Variants in ATP2C2 observed in about 807,000 individuals in gnomAD.
The protein encoded by ATP2C2 is ATPase secretory pathway Ca2+ transporting 2, also known as calcium-transporting ATPase type 2C member 2.
ATP2C2 carries 171 observed loss-of-function variants against 110.8 expected under a neutral mutation model. The observed-to-expected ratio is 1.54, with a 90% CI of 1.36 to 1.75. The LOEUF (loss-of-function observed/expected upper bound fraction) is 1.75, where lower values mean the gene tolerates loss of function less well. Ranked by LOEUF, ATP2C2 falls within the 40% of genes most tolerant of loss-of-function variation. ATP2C2 has a pLI of 0.00. For synonymous variants in ATP2C2, 804 were observed against 508.4 expected, an observed-to-expected ratio of 1.58 and a Z score of -7.82; for missense variants, 1,963 against 1,235.0, an observed-to-expected ratio of 1.59 and a Z score of -8.84.
intron 14 of ATP2C2, 72 bp downstream of exon 14, chr16:84,441,030 G>C (rs1056529158): frequency 1.6e-5 from 21 of 1,280,646 alleles, no homozygotes; most frequent in Admixed American, 3.9e-5. Flanking sequence ...TCTGAAAAGG[G>C]AAACAGCCAT....
chr16:84,423,389 A>G (rs1907531018), intron 10 of ATP2C2, 126 bp downstream of exon 10: 5 of 857,452 alleles, frequency 5.8e-6, no homozygotes, highest in Admixed American at 4.6e-5. Flanking sequence ...GATTGGGATC[A>G]GAGGCTCTCC....
At position 84,377,947 on chromosome 16, in the gene ATP2C2, A is replaced by G. The variant is rs576663705; in HGVS notation, c.99+9233A>G. Among the ~76,000 whole-genome samples, 149 of 152,258 alleles carry G rather than the reference A, an allele frequency of 9.8e-4. 2 individuals are homozygous for G. The highest frequency in any genetic ancestry group is 3.5e-3 in the African/African-American group (145 of 41,560). On this transcript the variant is annotated intron_variant, in intron 1 of 26. Transcript: ENST00000262429. ...GCCCCACTAGCTGGGCCATATTCCT[A>G]TGACCTTCCCTAAGACCTCCCTGTG...
In ATP2C2 at chr16:84,442,536, C is replaced by T. The variant is rs377096307; in HGVS notation, c.1338C>T (p.Val446=). Residue 446 remains valine, a synonymous_variant, in exon 15 of 27, where the codon GTC becomes GTT. Transcript: ENST00000262429. ...CGGGCTGTGTTGCCAACAATGCGGT[C>T]ATCAGAAAGAACGCCGTGATGGGGC... The part of the protein sequence containing the change: ...VEAGCVANNA[V]IRKNAVMGQP... 82 of 1,614,030 alleles carry T rather than the reference C, an allele frequency of 5.1e-5. No homozygotes were observed. In the African/African-American group the frequency reaches 8.7e-4, roughly 17 times the overall value.
At chr16:84,415,084 G>A (rs1450576805) in intron 6 of ATP2C2, among the ~76,000 whole-genome samples, 1 of 152,112 alleles carries the variant, frequency 6.6e-6, no homozygotes, top group Non-Finnish European at 1.5e-5. Context: ...TCCCAGCTGT[G>A]ATAAGGCTCT....
At position 84,462,050 on chromosome 16, in the gene ATP2C2, G is replaced by A. The variant is rs1451507272; in HGVS notation, c.2643G>A (p.Gly881=). 4 of 1,614,114 alleles carry A rather than the reference G, an allele frequency of 2.5e-6. No individual in the cohort carries two copies. In the South Asian group the frequency reaches 3.3e-5, roughly 13 times the overall value. The change falls in exon 26 of 27, where the codon GGG becomes GGA. Residue 881 remains glycine (G), a synonymous_variant. Coordinates refer to ENST00000262429, the MANE Select transcript of ATP2C2 (RefSeq NM_014861.4). ...RNHMFLYSVL[G]SILGQLAVIY... is the part of the protein sequence containing the mutation. ...ACATGTTCCTCTACTCCGTCCTGGGGTCCATCCTGGGGCAGCTGGCGGTCA... is the reference window on the plus strand; with the variant it reads ...ACATGTTCCTCTACTCCGTCCTGGGATCCATCCTGGGGCAGCTGGCGGTCA...
chr16:84,451,297 C>T (rs1383875509), intron 17 of ATP2C2, among the ~76,000 whole-genome samples: 3 of 152,118 alleles, frequency 2.0e-5, no homozygotes, highest in Non-Finnish European at 1.5e-5. Flanking sequence ...GGGTCCCTCC[C>T]ACAACACGTG....
intron 9 of ATP2C2, 123 bp downstream of exon 9, chr16:84,422,820 T>C: frequency 9.1e-7 from 1 of 1,094,266 alleles, no homozygotes; most frequent in South Asian, 1.8e-5. Flanking sequence ...TGAGTATACT[T>C]TTTAAACATT....
intron 3 of ATP2C2, among the ~76,000 whole-genome samples, chr16:84,405,775 C>T (rs1273732528): frequency 6.6e-6 from 1 of 152,064 alleles, no homozygotes; most frequent in Non-Finnish European, 1.5e-5. Flanking sequence ...TAAAAATTAG[C>T]CGGATGTGGT....
chr16:84,436,908 A>T (rs1908794787), intron 11 of ATP2C2, among the ~76,000 whole-genome samples: 1 of 151,626 alleles, frequency 6.6e-6, no homozygotes, highest in Non-Finnish European at 1.5e-5. Context: ...GATTACAGGC[A>T]TGCGCCACCA....
chr16:84,432,449 G>A (rs554302881), intron 11 of ATP2C2, among the ~76,000 whole-genome samples: 1 of 151,932 alleles, frequency 6.6e-6, no homozygotes, highest in East Asian at 2.0e-4. Flanking sequence ...CGACAGGCCT[G>A]GGTGTGGATG....
intron 4 of ATP2C2, 61 bp downstream of exon 4, chr16:84,408,555 C>T: frequency 7.4e-7 from 1 of 1,346,184 alleles, no homozygotes; most frequent in Non-Finnish European, 1.0e-6. Flanking sequence ...TGAGTCTCTG[C>T]TTGTTATTGT....
At chr16:84,408,587 T>G in intron 4 of ATP2C2, 93 bp downstream of exon 4, 2 of 998,272 alleles carry the variant, frequency 2.0e-6, no homozygotes, top group Non-Finnish European at 3.0e-6. Context: ...AAAAAGAGTT[T>G]GCTGTAGGGG....
At chr16:84,460,823 C>T (rs761115631) in intron 24 of ATP2C2, 22 bp downstream of exon 24, 5 of 1,598,424 alleles carry the variant, frequency 3.1e-6, no homozygotes, top group Non-Finnish European at 4.3e-6. Flanking sequence ...TCACCCCGGC[C>T]TGTTCTCCAA....
At position 84,459,788 on chromosome 16, in the gene ATP2C2, G is replaced by C. The variant is rs1043067314; in HGVS notation, c.2333+402G>C. On this transcript the variant is annotated intron_variant, in intron 23 of 26. Coordinates refer to ENST00000262429, the MANE Select transcript of ATP2C2 (RefSeq NM_014861.4). Reference sequence around the variant, plus strand: ...TACACACAGACACACTTTTCCTTATGGATCTGATTGTGATCTGTCTCCCCT... The same window carrying C: ...TACACACAGACACACTTTTCCTTATCGATCTGATTGTGATCTGTCTCCCCT... The C allele has an allele frequency of 1.8e-5, 10 of 544,618 alleles. No homozygotes were observed. The African/African-American group carries it at 1.9e-4, about 10-fold the overall frequency. 33.7% of individuals were successfully genotyped at this position (544,618 alleles called of 1,614,324 possible).
chr16:84,455,055 C>A, intron 21 of ATP2C2, 71 bp downstream of exon 21: 7 of 1,479,114 alleles, frequency 4.7e-6, no homozygotes, highest in Non-Finnish European at 6.5e-6. Flanking sequence ...CTGGAACCTG[C>A]TACTGTGGAG....
chr16:84,411,078 C>A (rs1455308453), intron 6 of ATP2C2, among the ~76,000 whole-genome samples: 4 of 152,134 alleles, frequency 2.6e-5, no homozygotes, highest in Admixed American at 2.6e-4. Flanking sequence ...ATGTGCAGAA[C>A]TGTGTGCATT....
intron 1 of ATP2C2, among the ~76,000 whole-genome samples, chr16:84,389,077 G>A (rs1904493935): frequency 6.6e-6 from 1 of 152,164 alleles, no homozygotes; most frequent in African/African-American, 2.4e-5. Flanking sequence ...AATTCTTGAA[G>A]GATTGGGGCT....
At chr16:84,461,081 G>A (rs1449186094) in intron 24 of ATP2C2, 1 of 405,292 alleles carries the variant, frequency 2.5e-6, no homozygotes, top group South Asian at 4.8e-5. Flanking sequence ...CATGAGGACA[G>A]GCTGCCCCCT....
chr16:84,387,974 G>A, intron 1 of ATP2C2, among the ~76,000 whole-genome samples: 1 of 151,190 alleles, frequency 6.6e-6, no homozygotes, highest in East Asian at 2.0e-4. Flanking sequence ...GAGCCCTGAT[G>A]GCCTCACTCA....
Sources: gnomAD v4.1 joint callset for allele counts (sites outside exome capture counted in the v4.1 genomes callset) on GRCh38, gnomAD v4.1.1 for gene constraint, MANE v1.5 for transcripts, NCBI Gene and HGNC (gene_info 2026-07-23, HGNC 2026-07-21) for gene names.